GRM7: variants seen among roughly 807,000 people sequenced by gnomAD.
GRM7 encodes the protein glutamate metabotropic receptor 7, also known as metabotropic glutamate receptor 7.
GRM7 carries 35 observed loss-of-function variants against 84.5 expected under a neutral mutation model. The observed-to-expected ratio is 0.41, with a 90% CI of 0.32 to 0.55. GRM7 has a LOEUF of 0.55. Among genes scored for constraint, GRM7 ranks in the 20% least tolerant of loss-of-function variants. The pLI is 0.19. For synonymous variants in GRM7, 487 were observed against 455.1 expected (o/e 1.07, Z -0.89); for missense variants, 1,003 against 1,194.6 (o/e 0.84, Z 2.36).
At chr3:7,038,900 G>C (rs1302722089) in intron 1 of GRM7, among the ~76,000 whole-genome samples, 3 of 151,922 alleles carry the variant, frequency 2.0e-5, no homozygotes, top group Non-Finnish European at 4.4e-5. Flanking sequence ...CCTTTATGCC[G>C]ATAGGTTTCT....
At chr3:7,438,999 A>G (rs143015384) in intron 5 of GRM7, among the ~76,000 whole-genome samples, 46 of 152,294 alleles carry the variant, frequency 3.0e-4, no homozygotes, top group Non-Finnish European at 5.6e-4. Flanking sequence ...TCGGAAGTCT[A>G]TATCGCAGAT....
At chr3:7,072,193 T>A (rs1414631167) in intron 1 of GRM7, among the ~76,000 whole-genome samples, 2 of 152,096 alleles carry the variant, frequency 1.3e-5, no homozygotes, top group Non-Finnish European at 2.9e-5. Context: ...TATGGTGTAG[T>A]TGTATAATCC....
chr3:7,591,955 C>T (rs988342055), intron 8 of GRM7, among the ~76,000 whole-genome samples: 1 of 152,032 alleles, frequency 6.6e-6, no homozygotes, highest in Non-Finnish European at 1.5e-5. Flanking sequence ...ATTCTTTTAC[C>T]CTGGACAAAT....
chr3:7,380,588 A>G (rs1694549403), intron 4 of GRM7, among the ~76,000 whole-genome samples: 1 of 152,206 alleles, frequency 6.6e-6, no homozygotes, highest in African/African-American at 2.4e-5. Context: ...CAATGAATTA[A>G]CTGTTTGGCT....
At chr3:7,194,056 G>C (rs1352201470) in intron 2 of GRM7, among the ~76,000 whole-genome samples, 1 of 152,036 alleles carries the variant, frequency 6.6e-6, no homozygotes, top group East Asian at 1.9e-4. Context: ...AAAGAGACAT[G>C]CTCTCTTTAC....
chr3:7,026,001 A>G (rs1048158455), intron 1 of GRM7, among the ~76,000 whole-genome samples: 7 of 152,172 alleles, frequency 4.6e-5, no homozygotes, highest in African/African-American at 1.4e-4. Context: ...ACCTGTGACT[A>G]TCATCCCCCA....
At chr3:7,259,993 G>A (rs1394876471) in intron 2 of GRM7, among the ~76,000 whole-genome samples, 13 of 120,488 alleles carry the variant, frequency 1.1e-4, no homozygotes, top group African/African-American at 5.0e-4. Flanking sequence ...CATCTGGGTG[G>A]GTGTGAGATG....
chr3:7,448,171 C>T (rs7613374), intron 5 of GRM7, among the ~76,000 whole-genome samples: 9,206 of 151,264 alleles, frequency 0.061, 311 homozygotes, highest in African/African-American at 0.081. Flanking sequence ...TGGGTTGGTT[C>T]CAAGTCATTG....
intron 1 of GRM7, among the ~76,000 whole-genome samples, chr3:6,949,342 T>C (rs7613968): frequency 0.046 from 6,960 of 152,260 alleles, 196 homozygotes; most frequent in African/African-American, 0.073. Flanking sequence ...TATGAAATTC[T>C]GGGTTGAAAA....
In GRM7 at chr3:7,618,307, A is replaced by G. The variant is rs544766444; in HGVS notation, c.2451+38950A>G. Among the ~76,000 whole-genome samples, 536 of 152,198 alleles carry G rather than the reference A, an allele frequency of 3.5e-3. 4 individuals are homozygous for G. The highest frequency in any genetic ancestry group is 0.012 in the African/African-American group (513 of 41,536). ...GTTAGTGTGATCATTAAATTAGTTA[A>G]TATTTAGTAAGTTCTTTTACCTTTG... On this transcript the variant is annotated intron_variant, in intron 8 of 9. Transcript: ENST00000357716.
chr3:7,661,144 T>C (rs1699427291), intron 8 of GRM7, among the ~76,000 whole-genome samples: 1 of 152,106 alleles, frequency 6.6e-6, no homozygotes, highest in African/African-American at 2.4e-5. Context: ...TTTCAAAAGA[T>C]AGTGTTAAGT....
intron 1 of GRM7, among the ~76,000 whole-genome samples, chr3:6,879,893 T>C (rs944918777): frequency 6.6e-6 from 1 of 152,216 alleles, no homozygotes; most frequent in African/African-American, 2.4e-5. Context: ...TTCTCTTATC[T>C]TCCTGTCCCC....
chr3:7,584,339 C>T (rs943529463), intron 8 of GRM7, among the ~76,000 whole-genome samples: 1 of 152,166 alleles, frequency 6.6e-6, no homozygotes, highest in African/African-American at 2.4e-5. Flanking sequence ...AATATTGTAG[C>T]TTGTAAGCTG....
chr3:6,979,532 C>T (rs1312434392), intron 1 of GRM7, among the ~76,000 whole-genome samples: 1 of 150,480 alleles, frequency 6.6e-6, no homozygotes, highest in Non-Finnish European at 1.5e-5. Flanking sequence ...TATTTATTAA[C>T]AGCTAAAAAA....
chr3:7,121,631 A>G (rs528978550), intron 1 of GRM7, among the ~76,000 whole-genome samples: 1 of 152,238 alleles, frequency 6.6e-6, no homozygotes, highest in Admixed American at 6.5e-5. Flanking sequence ...TGAAAGATTA[A>G]CTCATTCTCA....
At chr3:7,023,849 G>A (rs1230283673) in intron 1 of GRM7, among the ~76,000 whole-genome samples, 1 of 152,194 alleles carries the variant, frequency 6.6e-6, no homozygotes, top group Non-Finnish European at 1.5e-5. Context: ...CAATTTACAA[G>A]AGATTGTTTA....
chr3:7,465,068 G>C (rs796971128), intron 7 of GRM7, among the ~76,000 whole-genome samples: 8 of 152,234 alleles, frequency 5.3e-5, no homozygotes, highest in African/African-American at 1.9e-4. Flanking sequence ...TGTTTAATTT[G>C]TCCAGAGAAT....
chr3:7,415,867 A>G lies in GRM7; in HGVS notation c.1174+704A>G, dbSNP rs74917993. Among the ~76,000 whole-genome samples the G allele has an allele frequency of 8.1e-3, 1,231 of 152,202 alleles. 7 individuals carry two copies. The highest frequency in any genetic ancestry group is 0.025 in the African/African-American group (1,033 of 41,562). On this transcript the variant is annotated intron_variant, in intron 5 of 9. Coordinates refer to ENST00000357716, the MANE Select transcript of GRM7 (RefSeq NM_000844.4). ...TGACTTTATTCCAGTGATCTCACGA[A>G]CGAATTCATAATTACAAACTGTAAT...
At chr3:7,298,029 A>C (rs898009588) in intron 2 of GRM7, among the ~76,000 whole-genome samples, 1 of 152,198 alleles carries the variant, frequency 6.6e-6, no homozygotes, top group Non-Finnish European at 1.5e-5. Flanking sequence ...CCTTTCCCTA[A>C]CATAAAATGA....
Sources: gnomAD v4.1 joint callset for allele counts (sites outside exome capture counted in the v4.1 genomes callset) on GRCh38, gnomAD v4.1.1 for gene constraint, MANE v1.5 for transcripts, NCBI Gene and HGNC (gene_info 2026-07-23, HGNC 2026-07-21) for gene names.